Variants in PCDH15 observed in about 807,000 individuals in gnomAD.
PCDH15 encodes protocadherin related 15.
PCDH15 carries 129 observed loss-of-function variants against 178.5 expected under a neutral mutation model. The ratio of observed to expected loss-of-function variants is 0.72; its 90% CI spans 0.63 to 0.84. PCDH15 has a LOEUF of 0.84. Among genes scored for constraint, PCDH15 ranks in the 40% least tolerant of loss-of-function variants. PCDH15 has a pLI of 0.00. For missense variants in PCDH15, 2,230 were observed against 2,099.9 expected (o/e 1.06, Z -1.21); for synonymous variants, 800 against 732.0 (o/e 1.09, Z -1.50).
At chr10:55,370,493 G>A (rs1249866292) in intron 2 of PCDH15, among the ~76,000 whole-genome samples, 2 of 151,944 alleles carry the variant, frequency 1.3e-5, no homozygotes, top group African/African-American at 4.8e-5. Flanking sequence ...AACAACTAAT[G>A]AATCGCCTGT....
At chr10:54,779,464 G>GTATATA (rs375675036) in intron 1 of PCDH15, among the ~76,000 whole-genome samples, 1 of 94,612 alleles carries the variant, frequency 1.1e-5, no homozygotes, top group African/African-American at 4.3e-5. Flanking sequence ...ATATATGTGT[G>GTATATA]TATATATATA....
chr10:55,069,869 G>A (rs536646738), intron 2 of PCDH15, among the ~76,000 whole-genome samples: 10 of 152,078 alleles, frequency 6.6e-5, no homozygotes, highest in African/African-American at 2.4e-4. Context: ...TTCCACAATG[G>A]TTGAACTAGT....
intron 3 of PCDH15, among the ~76,000 whole-genome samples, chr10:54,402,970 T>C (rs1271582590): frequency 6.6e-6 from 1 of 152,030 alleles, no homozygotes; most frequent in South Asian, 2.1e-4. Context: ...GAAGGCATGT[T>C]GTAACCAAGA....
rs150919406 is a variant in PCDH15, at chr10:55,005,783, A to G, written c.-79-108283T>C. ...TAATAACAAAAAAAATAAAGATTTA[A>G]TAGATATATAGGGTAAGATTTTTAC... On this transcript the variant is annotated intron_variant, in intron 2 of 5. Coordinates refer to the PCDH15 transcript ENST00000458638. 2.5e-3 allele frequency among the ~76,000 whole-genome samples: 380 copies of G among 152,236 alleles called. 2 individuals are homozygous for G. The highest frequency in any genetic ancestry group is 8.6e-3 in the African/African-American group (359 of 41,560).
intron 2 of PCDH15, among the ~76,000 whole-genome samples, chr10:55,161,688 C>T (rs1176739912): frequency 6.6e-6 from 1 of 152,070 alleles, no homozygotes; most frequent in African/African-American, 2.4e-5. Flanking sequence ...ATTACTATTA[C>T]AAATTTTCAT....
intron 25 of PCDH15, among the ~76,000 whole-genome samples, chr10:53,920,388 G>C (rs374570652): frequency 6.6e-6 from 1 of 151,852 alleles, no homozygotes; most frequent in African/African-American, 2.4e-5. Context: ...GTGCATATAA[G>C]TGTATGTATA....
At chr10:55,385,693 C>CTATATATATATATATATATATA (rs57143868) in intron 2 of PCDH15, among the ~76,000 whole-genome samples, 7 of 128,734 alleles carry the variant, frequency 5.4e-5, no homozygotes, top group African/African-American at 1.7e-4. Context: ...CTTCCTCTGC[C>CTATATATATATATATATATATA]TATATATATA....
chr10:54,218,871 A>G (rs1192609843), intron 9 of PCDH15, among the ~76,000 whole-genome samples: 1 of 152,114 alleles, frequency 6.6e-6, no homozygotes, highest in East Asian at 1.9e-4. Flanking sequence ...ATGACGAGAA[A>G]CTCTATAATA....
intron 2 of PCDH15, among the ~76,000 whole-genome samples, chr10:54,928,017 T>C (rs1159778947): frequency 2.6e-5 from 4 of 152,154 alleles, no homozygotes. Context: ...GTTTATGTGG[T>C]TGCTTTATAA....
chr10:55,189,474 T>C (rs1839885180), intron 1 of PCDH15, among the ~76,000 whole-genome samples: 1 of 151,824 alleles, frequency 6.6e-6, no homozygotes, highest in African/African-American at 2.4e-5. Context: ...TAACCTCATG[T>C]TTTTGTGACT....
At chr10:55,096,172 T>A (rs1842446548) in intron 2 of PCDH15, among the ~76,000 whole-genome samples, 1 of 152,142 alleles carries the variant, frequency 6.6e-6, no homozygotes, top group South Asian at 2.1e-4. Context: ...AAAAATTCTA[T>A]AATTTCCATT....
chr10:54,854,560 T>C (rs1225904093), intron 3 of PCDH15, among the ~76,000 whole-genome samples: 1 of 152,062 alleles, frequency 6.6e-6, no homozygotes, highest in Non-Finnish European at 1.5e-5. Context: ...CAATGAGTGT[T>C]CAGCTCCTAG....
Position 53,806,754 on chromosome 10 carries a change from G to GTATTGTCA in PCDH15, c.5040_5047dup (p.Thr1683MetfsTer6). On this transcript the variant is annotated frameshift_variant, in exon 38 of 38. Transcript: ENST00000644397. LOFTEE classifies it high-confidence loss of function. ...CCTGTTCCTTAGTGGCTTCACCGCT[G>GTATTGTCA]TATTGTCAGTCCCCACAGGGCAAGG... is the stretch of plus-strand genomic sequence containing the variant. 1 of 1,613,796 alleles carries GTATTGTCA rather than the reference G, an allele frequency of 6.2e-7. No individual in the cohort carries two copies. The highest frequency in any genetic ancestry group is 8.5e-7 in the Non-Finnish European group (1 of 1,179,798).
chr10:55,377,935 C>A (rs886789230), intron 2 of PCDH15, among the ~76,000 whole-genome samples: 3 of 152,060 alleles, frequency 2.0e-5, no homozygotes, highest in Non-Finnish European at 4.4e-5. Context: ...GAAACCATCA[C>A]TCTCAGCAAA....
At chr10:54,319,390 G>A (rs2061457114) in intron 7 of PCDH15, among the ~76,000 whole-genome samples, 1 of 152,078 alleles carries the variant, frequency 6.6e-6, no homozygotes, top group South Asian at 2.1e-4. Flanking sequence ...ACATGAATGA[G>A]CCTTGAAAAC....
At chr10:54,432,490 C>T (rs963834259) in intron 3 of PCDH15, among the ~76,000 whole-genome samples, 3 of 152,034 alleles carry the variant, frequency 2.0e-5, no homozygotes, top group Admixed American at 2.0e-4. Flanking sequence ...AAGATAGTCT[C>T]TTTAAAATAT....
At chr10:54,651,652 G>A (rs886793708) in intron 2 of PCDH15, among the ~76,000 whole-genome samples, 1 of 152,142 alleles carries the variant, frequency 6.6e-6, no homozygotes. Flanking sequence ...GCTGACTGAG[G>A]CATTACCTTT....
intron 20 of PCDH15, among the ~76,000 whole-genome samples, chr10:54,010,064 C>T (rs562041251): frequency 1.6e-4 from 25 of 152,178 alleles, no homozygotes; most frequent in Non-Finnish European, 3.5e-4. Flanking sequence ...CTGTCCATTC[C>T]AGCCCCACCT....
intron 25 of PCDH15, among the ~76,000 whole-genome samples, chr10:53,935,922 T>C (rs1470294453): frequency 6.6e-6 from 1 of 152,166 alleles, no homozygotes; most frequent in Non-Finnish European, 1.5e-5. Context: ...CTACTATCTA[T>C]ATCACAAAAA....
Sources: allele counts gnomAD v4.1 joint callset (sites outside exome capture counted in the v4.1 genomes callset), GRCh38; gene constraint gnomAD v4.1.1; transcripts MANE v1.5; gene names NCBI Gene and HGNC (gene_info 2026-07-23, HGNC 2026-07-21).